PDE4D: variants seen among roughly 807,000 people sequenced by gnomAD.
PDE4D encodes 3',5'-cyclic-AMP phosphodiesterase 4D.
Under a neutral mutation model 87.4 loss-of-function variants are expected in PDE4D, and 24 were observed. That is an observed-to-expected ratio of 0.27 (90% CI 0.20 to 0.39). PDE4D has a LOEUF of 0.39. Among genes scored for constraint, PDE4D ranks in the 10% least tolerant of loss-of-function variants. The pLI is 1.00. For synonymous variants in PDE4D, 384 were observed against 383.2 expected (o/e 1.00, Z -0.02); for missense variants, 714 against 1,041.0 (o/e 0.69, Z 4.32).
At chr5:59,357,887 A>C (rs1405628570) in intron 1 of PDE4D, among the ~76,000 whole-genome samples, 1 of 152,156 alleles carries the variant, frequency 6.6e-6, no homozygotes, top group Non-Finnish European at 1.5e-5. Context: ...CCCGCGGGTG[A>C]CCTCAACTGT....
intron 2 of PDE4D, among the ~76,000 whole-genome samples, chr5:60,067,245 T>A (rs1172342203): frequency 6.6e-6 from 1 of 152,126 alleles, no homozygotes; most frequent in Admixed American, 6.6e-5. Context: ...ATGTGATCTG[T>A]AATGTAAATT....
At chr5:59,380,362 T>C (rs1288203055) in intron 1 of PDE4D, among the ~76,000 whole-genome samples, 2 of 134,266 alleles carry the variant, frequency 1.5e-5, no homozygotes, top group African/African-American at 5.6e-5. Flanking sequence ...ATTTTGGCCA[T>C]ATTTTATGAA....
At chr5:60,521,170 C>T (rs1356378274) in intron 1 of PDE4D, 4 of 152,280 alleles carry the variant, frequency 2.6e-5, no homozygotes, top group South Asian at 4.2e-4. Flanking sequence ...ACAGAAAAAC[C>T]CATATTGCCC....
chr5:59,899,326 A>G (rs1751988112), intron 3 of PDE4D, among the ~76,000 whole-genome samples: 1 of 152,094 alleles, frequency 6.6e-6, no homozygotes, highest in African/African-American at 2.4e-5. Context: ...ACCAATATTT[A>G]TTGAGCACTT....
At chr5:59,081,171 A>C (rs1766675924) in intron 5 of PDE4D, among the ~76,000 whole-genome samples, 4 of 152,060 alleles carry the variant, frequency 2.6e-5, no homozygotes. Context: ...TAGTATGAAA[A>C]CTCATTTATT....
intron 1 of PDE4D, among the ~76,000 whole-genome samples, chr5:59,284,088 C>T (rs1043668443): frequency 1.3e-5 from 2 of 152,172 alleles, no homozygotes; most frequent in Non-Finnish European, 2.9e-5. Context: ...TCTTTGCACA[C>T]GCATTTCTGG....
chr5:59,264,475 C>G (rs1323279055), intron 1 of PDE4D, among the ~76,000 whole-genome samples: 1 of 151,962 alleles, frequency 6.6e-6, no homozygotes, highest in African/African-American at 2.4e-5. Flanking sequence ...AAAAAGTTGT[C>G]TGCTAACATC....
chr5:59,069,764 T>A (rs2153416731), intron 5 of PDE4D, among the ~76,000 whole-genome samples: 3 of 152,258 alleles, frequency 2.0e-5, no homozygotes, highest in Admixed American at 2.0e-4. Flanking sequence ...ACCAGTGTTT[T>A]GAAAAATTTA....
chr5:59,308,640 C>A (rs1437303263), intron 1 of PDE4D, among the ~76,000 whole-genome samples: 1 of 151,660 alleles, frequency 6.6e-6, no homozygotes, highest in African/African-American at 2.4e-5. Context: ...GTTACCAGTG[C>A]CTGTTCTGGT....
At chr5:59,600,809 T>C (rs1194122685) in intron 1 of PDE4D, among the ~76,000 whole-genome samples, 1 of 152,188 alleles carries the variant, frequency 6.6e-6, no homozygotes, top group African/African-American at 2.4e-5. Flanking sequence ...TGATAGCACC[T>C]GCGATAACAA....
intron 1 of PDE4D, among the ~76,000 whole-genome samples, chr5:60,322,693 T>C (rs1420614805): frequency 1.3e-5 from 2 of 152,192 alleles, no homozygotes; most frequent in African/African-American, 4.8e-5. Flanking sequence ...TCTTTACCAA[T>C]GGCTTTTAAG....
At chr5:59,700,425 T>C (rs1438045168) in intron 1 of PDE4D, among the ~76,000 whole-genome samples, 1 of 152,144 alleles carries the variant, frequency 6.6e-6, no homozygotes, top group East Asian at 1.9e-4. Flanking sequence ...TGGGTAAGAA[T>C]GTGACTTTGC....
intron 1 of PDE4D, among the ~76,000 whole-genome samples, chr5:59,358,380 G>A (rs555137630): frequency 9.2e-5 from 14 of 152,202 alleles, no homozygotes; most frequent in Admixed American, 7.8e-4. Context: ...TTCACAAACT[G>A]TCTTTTTGCT....
intron 1 of PDE4D, among the ~76,000 whole-genome samples, chr5:60,296,863 T>C (rs1448185746): frequency 6.6e-6 from 1 of 152,084 alleles, no homozygotes; most frequent in African/African-American, 2.4e-5. Context: ...ACACCACATG[T>C]TCTCACTCAT....
intron 2 of PDE4D, among the ~76,000 whole-genome samples, chr5:60,058,311 C>A (rs928108746): frequency 6.6e-6 from 1 of 151,718 alleles, no homozygotes; most frequent in African/African-American, 2.4e-5. Flanking sequence ...TGTTTTGTTT[C>A]TTGCATTTGA....
chr5:59,731,658 G>C (rs948458474), intron 1 of PDE4D, among the ~76,000 whole-genome samples: 2 of 152,130 alleles, frequency 1.3e-5, no homozygotes, highest in Non-Finnish European at 2.9e-5. Flanking sequence ...AGGAGCTGGT[G>C]CCAGACTACA....
chr5:60,276,537 C>T (rs1192718975), intron 1 of PDE4D, among the ~76,000 whole-genome samples: 1 of 152,184 alleles, frequency 6.6e-6, no homozygotes, highest in African/African-American at 2.4e-5. Flanking sequence ...CATTCACAGA[C>T]AGCCAACTAC....
chr5:59,472,651 T>C (rs543353543), intron 1 of PDE4D, among the ~76,000 whole-genome samples: 1 of 152,290 alleles, frequency 6.6e-6, no homozygotes, highest in East Asian at 1.9e-4. Context: ...CTTTATACTA[T>C]TCATAAAACT....
intron 1 of PDE4D, among the ~76,000 whole-genome samples, chr5:59,633,656 A>T (rs1336230253): frequency 6.6e-6 from 1 of 152,220 alleles, no homozygotes; most frequent in Non-Finnish European, 1.5e-5. Context: ...TAATTGAAGA[A>T]GAAACAAAAT....
Sources: gnomAD v4.1 joint callset for allele counts (sites outside exome capture counted in the v4.1 genomes callset) on GRCh38, gnomAD v4.1.1 for gene constraint, MANE v1.5 for transcripts, NCBI Gene and HGNC (gene_info 2026-07-23, HGNC 2026-07-21) for gene names.